Variants in SIN3A observed in about 807,000 individuals in gnomAD.
SIN3A encodes paired amphipathic helix protein Sin3a.
A neutral mutation model predicts 146.1 loss-of-function variants in SIN3A; 14 were observed. The ratio of observed to expected loss-of-function variants is 0.10; its 90% CI spans 0.06 to 0.15. The LOEUF (loss-of-function observed/expected upper bound fraction) is 0.15, where lower values mean the gene tolerates loss of function less well. SIN3A is among the 10% of genes least tolerant of loss of function. The pLI is 1.00. For missense variants in SIN3A, 1,028 were observed against 1,576.0 expected (o/e 0.65, Z 5.89); for synonymous variants, 572 against 572.0 (o/e 1.00, Z 0.00).
At chr15:75,376,859 T>TAAAAAA (rs200318256) in intron 19 of SIN3A, among the ~76,000 whole-genome samples, 1 of 115,808 alleles carries the variant, frequency 8.6e-6, no homozygotes. Context: ...GACACTGTCT[T>TAAAAAA]AAAAAAAAAA....
chr15:75,417,926 G>GT (rs1595911834), intron 3 of SIN3A, among the ~76,000 whole-genome samples: 1 of 152,282 alleles, frequency 6.6e-6, no homozygotes, highest in East Asian at 1.9e-4. Context: ...CCCTTCCAGT[G>GT]TAAGGACACA....
At chr15:75,414,364 C>CA (rs1205994316) in intron 3 of SIN3A, 53 bp from the exon 4 acceptor site, 27,846 of 756,160 alleles carry the variant, frequency 0.037, no homozygotes, top group South Asian at 0.045. Context: ...CTCATAATTA[C>CA]AAAAAAAAAA....
intron 9 of SIN3A, among the ~76,000 whole-genome samples, chr15:75,404,673 T>C (rs1011739433): frequency 4.6e-5 from 7 of 151,412 alleles, no homozygotes; most frequent in African/African-American, 1.5e-4. Context: ...GGCAGGAGGA[T>C]TGCGTGAACC....
At chr15:75,400,006 T>C (rs776022031) in intron 12 of SIN3A, 34 bp downstream of exon 12, 12 of 1,198,690 alleles carry the variant, frequency 1.0e-5, no homozygotes, top group Non-Finnish European at 1.5e-5. Flanking sequence ...CATCTCCCAT[T>C]TCCCCCAACT....
At chr15:75,452,479 T>C (rs1045023889), upstream of SIN3A, among the ~76,000 whole-genome samples, 10 of 152,240 alleles carry the variant, frequency 6.6e-5, no homozygotes, top group African/African-American at 2.2e-4. Flanking sequence ...CGTCCAGTTA[T>C]CTTTACAGTT....
upstream of SIN3A, chr15:75,453,939 C>G (rs1331660855): frequency 6.6e-6 from 1 of 152,340 alleles, no homozygotes; most frequent in African/African-American, 2.4e-5. Flanking sequence ...CCAAGGGCGC[C>G]GAGCCTAGGA....
At chr15:75,439,802 C>T (rs778204239) in intron 1 of SIN3A, among the ~76,000 whole-genome samples, 2 of 152,016 alleles carry the variant, frequency 1.3e-5, no homozygotes, top group Admixed American at 6.6e-5. Context: ...TAAAACTCTT[C>T]TGACTCAAAA....
At chr15:75,372,561 C>A (rs1368424381) in intron 20 of SIN3A, among the ~76,000 whole-genome samples, 1 of 152,106 alleles carries the variant, frequency 6.6e-6, no homozygotes, top group Non-Finnish European at 1.5e-5. Context: ...GTGACTCATG[C>A]CTGTAATCCT....
intron 16 of SIN3A, among the ~76,000 whole-genome samples, chr15:75,387,632 A>G (rs1350320750): frequency 6.6e-6 from 1 of 151,456 alleles, no homozygotes; most frequent in Non-Finnish European, 1.5e-5. Flanking sequence ...ATAACCAGAT[A>G]CAGTAAATAA....
chr15:75,449,051 G>T (rs574720141), intron 1 of SIN3A, among the ~76,000 whole-genome samples: 57 of 152,160 alleles, frequency 3.7e-4, no homozygotes, highest in Non-Finnish European at 7.5e-4. Flanking sequence ...GTTCTTACTT[G>T]AATCCTTATA....
At position 75,400,034 on chromosome 15, in the gene SIN3A, T is replaced by C; in HGVS notation, c.1854+6A>G. 2.0e-6 allele frequency: 3 copies of C among 1,508,118 alleles called. No individual in the cohort carries two copies. The highest frequency in any genetic ancestry group is 2.8e-6 in the Non-Finnish European group (3 of 1,083,690). The allele number at this position is 1,508,118 out of a possible 1,614,324, so 93.4% of individuals were successfully genotyped here. Reference sequence around the variant, plus strand: ...CCCCAACTTCAAATGCCAAACAAGCTTGTACCTCAAAGCGTTCATCTTCAC... The same window carrying C: ...CCCCAACTTCAAATGCCAAACAAGCCTGTACCTCAAAGCGTTCATCTTCAC... On this transcript the variant is annotated splice_donor_region_variant and intron_variant, in intron 12 of 20. Transcript: ENST00000394947.
chr15:75,425,604 T>C (rs146052505), intron 2 of SIN3A, among the ~76,000 whole-genome samples: 1 of 152,352 alleles, frequency 6.6e-6, no homozygotes, highest in Non-Finnish European at 1.5e-5. Context: ...CTTTCTCCTG[T>C]CCTCTTACAA....
chr15:75,426,655 C>T (rs765285041), intron 2 of SIN3A, among the ~76,000 whole-genome samples: 37 of 152,248 alleles, frequency 2.4e-4, no homozygotes, highest in Admixed American at 4.6e-4. Flanking sequence ...AAAGGGCGGA[C>T]GAGGTGGCTC....
intron 19 of SIN3A, among the ~76,000 whole-genome samples, chr15:75,377,695 T>C (rs1020017460): frequency 1.3e-5 from 2 of 152,006 alleles, no homozygotes; most frequent in Non-Finnish European, 2.9e-5. Flanking sequence ...AACCCCTCAA[T>C]TTACATCTTT....
At chr15:75,400,233 CAAA>C in intron 11 of SIN3A, 77 bp from the exon 12 acceptor site, 1 of 787,292 alleles carries the variant, frequency 1.3e-6, no homozygotes, top group South Asian at 1.6e-5. Flanking sequence ...AATGAAAAGA[CAAA>C]ACTCTAGCAG....
chr15:75,414,318 C>G lies in SIN3A; in HGVS notation c.367-7G>C. The stretch of plus-strand genomic sequence containing the variant: ...AAGATAGCGCATCCTCCACCTGAGG[C>G]AGGGATAAATATCAAGGTTATAAAA... On this transcript the variant is annotated splice_polypyrimidine_tract_variant and splice_region_variant and intron_variant, in intron 3 of 20. Transcript: ENST00000394947. The G allele has an allele frequency of 7.0e-7, 1 of 1,432,660 alleles. No homozygotes were observed. The highest frequency in any genetic ancestry group is 2.4e-5 in the East Asian group (1 of 41,504). The allele number at this position is 1,432,660 out of a possible 1,614,324, so 88.7% of individuals were successfully genotyped here.
chr15:75,454,544 C>T (rs1043017219), upstream of SIN3A, among the ~76,000 whole-genome samples: 1 of 151,398 alleles, frequency 6.6e-6, no homozygotes, highest in South Asian at 2.1e-4. Flanking sequence ...GCCATCCCGG[C>T]TGACAGGCGC....
chr15:75,398,646 C>G (rs1479172446), intron 12 of SIN3A, among the ~76,000 whole-genome samples: 1 of 152,032 alleles, frequency 6.6e-6, no homozygotes, highest in Non-Finnish European at 1.5e-5. Context: ...CCACTGCACT[C>G]CAGCCTGGTT....
In SIN3A at chr15:75,399,976, G is replaced by A. The variant is rs1192909446; in HGVS notation, c.1854+64C>T. 4.5e-6 allele frequency: 4 copies of A among 883,404 alleles called. No homozygotes were observed. In the Admixed American group the frequency reaches 7.1e-5, roughly 16 times the overall value. 54.7% of individuals were successfully genotyped at this position (883,404 alleles called of 1,614,324 possible). Reference sequence around the variant, plus strand: ...CCATCTTAATAACCCTCAGAGACAGGTACTGATAGTCTCACTGAGCATCTC... The same window carrying A: ...CCATCTTAATAACCCTCAGAGACAGATACTGATAGTCTCACTGAGCATCTC... On this transcript the variant is annotated intron_variant, in intron 12 of 20. Coordinates refer to ENST00000394947, the MANE Select transcript of SIN3A (RefSeq NM_001145358.2).
Sources: allele counts gnomAD v4.1 joint callset (sites outside exome capture counted in the v4.1 genomes callset), GRCh38; gene constraint gnomAD v4.1.1; transcripts MANE v1.5; gene names NCBI Gene and HGNC (gene_info 2026-07-23, HGNC 2026-07-21).